The following KHDRBS3 variants were observed in gnomAD, a reference collection of about 807,000 sequenced individuals.
KHDRBS3 encodes KH domain-containing, RNA-binding, signal transduction-associated protein 3.
Under a neutral mutation model 45.6 loss-of-function variants are expected in KHDRBS3, and 23 were observed. The observed-to-expected ratio is 0.50, with a 90% CI of 0.36 to 0.72. The LOEUF (loss-of-function observed/expected upper bound fraction) is 0.72. KHDRBS3 is among the 30% of genes least tolerant of loss of function. KHDRBS3 has a pLI of 0.00. For synonymous variants in KHDRBS3, 162 were observed against 156.5 expected (o/e 1.04, Z -0.26); for missense variants, 352 against 424.8 (o/e 0.83, Z 1.51).
intron 7 of KHDRBS3, among the ~76,000 whole-genome samples, chr8:135,643,211 AC>A (rs1174371364): frequency 6.6e-6 from 1 of 151,870 alleles, no homozygotes; most frequent in East Asian, 1.9e-4. Flanking sequence ...TGCCTGGAAG[AC>A]CCTTGCTGCC....
intron 1 of KHDRBS3, chr8:135,458,964 G>A (rs1017812301): frequency 1.5e-5 from 7 of 456,150 alleles, no homozygotes; most frequent in Admixed American, 2.3e-5. Flanking sequence ...TGGAATATGT[G>A]TTTCAGATGA....
chr8:135,639,742 C>T (rs941208036), intron 7 of KHDRBS3, among the ~76,000 whole-genome samples: 2 of 152,264 alleles, frequency 1.3e-5, no homozygotes, highest in Middle Eastern at 3.4e-3. Flanking sequence ...AGAGTGGGAG[C>T]GGAGAAAGAA....
rs1831316626 is a variant in KHDRBS3, at chr8:135,646,973, A to G, written c.950-20A>G. On this transcript the variant is annotated intron_variant, in intron 8 of 8. Transcript: ENST00000355849. ...GATTCATGGCAGTGATCTAATTGTG[A>G]TTCATCTTACTGATTGTAGGGCAAG... 4 of 1,371,262 alleles carry G rather than the reference A, an allele frequency of 2.9e-6. No individual in the cohort carries two copies. In the South Asian group the frequency reaches 4.6e-5, roughly 16 times the overall value. The allele number at this position is 1,371,262 out of a possible 1,614,324, so 84.9% of individuals were successfully genotyped here. A position where few individuals can be genotyped will look rare whatever the true frequency, so the allele number is the denominator to read the frequency against.
At chr8:135,609,957 T>G (rs1361891470) in intron 7 of KHDRBS3, among the ~76,000 whole-genome samples, 1 of 151,906 alleles carries the variant, frequency 6.6e-6, no homozygotes, top group East Asian at 1.9e-4. Context: ...TTTCAGTAGA[T>G]CTTCACAGGC....
intron 6 of KHDRBS3, among the ~76,000 whole-genome samples, chr8:135,588,598 T>C (rs1315821397): frequency 6.6e-6 from 1 of 152,126 alleles, no homozygotes; most frequent in African/African-American, 2.4e-5. Flanking sequence ...CCTCTTTCCT[T>C]AGGGGCTTTC....
At position 135,584,014 on chromosome 8, in the gene KHDRBS3, C is replaced by T. The variant is rs934488525; in HGVS notation, c.807+1941C>T. Among the ~76,000 whole-genome samples the T allele has an allele frequency of 2.7e-4, 41 of 152,100 alleles. 1 individual carries two copies. Among genetic ancestry groups the T allele is most frequent in the African/African-American group, 8.5e-4 (35 of 41,406 alleles). ...AGTATTCTGTAGGATTAATTTACTC[C>T]CTTTTCCATCTGCTACCAAAGATAA... On this transcript the variant is annotated intron_variant, in intron 6 of 8. Transcript: ENST00000355849.
chr8:135,585,649 C>T (rs1411299060), intron 6 of KHDRBS3, among the ~76,000 whole-genome samples: 1 of 152,152 alleles, frequency 6.6e-6, no homozygotes, highest in Non-Finnish European at 1.5e-5. Context: ...TGTGATTTTT[C>T]AGTTTTATTC....
At chr8:135,642,636 A>G (rs1395915320) in intron 7 of KHDRBS3, among the ~76,000 whole-genome samples, 3 of 152,198 alleles carry the variant, frequency 2.0e-5, no homozygotes, top group Non-Finnish European at 4.4e-5. Flanking sequence ...AGCCCATTTC[A>G]GAGAGCTTAT....
intron 2 of KHDRBS3, among the ~76,000 whole-genome samples, chr8:135,536,234 GTTTTTTTTTTTTTT>G (rs374782370): frequency 2.2e-3 from 186 of 86,410 alleles, no homozygotes; most frequent in African/African-American, 6.0e-3. Context: ...TTTCTGTCCA[GTTTTTTTTTTTTTT>G]TTTTTTTTTT....
intron 5 of KHDRBS3, among the ~76,000 whole-genome samples, chr8:135,579,312 A>G (rs1292648928): frequency 6.6e-6 from 1 of 152,108 alleles, no homozygotes; most frequent in African/African-American, 2.4e-5. Flanking sequence ...TCACAATTCA[A>G]TATGTTGCAG....
chr8:135,626,081 T>C (rs529200642), intron 7 of KHDRBS3: 1 of 525,822 alleles, frequency 1.9e-6, no homozygotes, highest in Non-Finnish European at 3.4e-6. Context: ...ATAGATTGTA[T>C]GACAACAAAA....
intron 5 of KHDRBS3, among the ~76,000 whole-genome samples, chr8:135,559,415 C>T (rs62525187): frequency 0.097 from 14,696 of 152,180 alleles, 988 homozygotes; most frequent in Non-Finnish European, 0.14. Flanking sequence ...TGCAGTAGCA[C>T]GATCTTGGCT....
At chr8:135,544,364 C>T (rs1043624757) in intron 3 of KHDRBS3, among the ~76,000 whole-genome samples, 2 of 151,978 alleles carry the variant, frequency 1.3e-5, no homozygotes, top group Admixed American at 6.6e-5. Context: ...ATTGTATGCC[C>T]GAGTTAACAG....
At chr8:135,537,654 G>T (rs1004372757) in intron 2 of KHDRBS3, among the ~76,000 whole-genome samples, 1 of 152,112 alleles carries the variant, frequency 6.6e-6, no homozygotes, top group Non-Finnish European at 1.5e-5. Flanking sequence ...TGGGACTTTG[G>T]ATGGTTTGTG....
At chr8:135,634,276 C>A (rs1830721000) in intron 7 of KHDRBS3, among the ~76,000 whole-genome samples, 1 of 152,134 alleles carries the variant, frequency 6.6e-6, no homozygotes, top group South Asian at 2.1e-4. Context: ...CCCTTGTTTT[C>A]CCTCCCCTGT....
chr8:135,462,348 G>A (rs934956971), intron 1 of KHDRBS3, among the ~76,000 whole-genome samples: 4 of 151,868 alleles, frequency 2.6e-5, no homozygotes, highest in African/African-American at 9.7e-5. Context: ...TGAGTTACAG[G>A]GTTTTGGTAT....
intron 1 of KHDRBS3, among the ~76,000 whole-genome samples, chr8:135,511,657 G>A (rs1824292877): frequency 1.3e-5 from 2 of 152,198 alleles, no homozygotes; most frequent in East Asian, 1.9e-4. Flanking sequence ...CTGGGTTCAC[G>A]CCATTCTCCT....
intron 5 of KHDRBS3, among the ~76,000 whole-genome samples, chr8:135,562,182 A>G (rs936066859): frequency 5.9e-5 from 9 of 152,192 alleles, no homozygotes; most frequent in Non-Finnish European, 1.5e-5. Context: ...CAGTCTTCCA[A>G]GTTCCACTCA....
chr8:135,594,223 C>T (rs1394217798), intron 6 of KHDRBS3, among the ~76,000 whole-genome samples: 1 of 152,146 alleles, frequency 6.6e-6, no homozygotes, highest in African/African-American at 2.4e-5. Context: ...AATAGAACTA[C>T]ATTGTTGGGT....
Sources: allele counts gnomAD v4.1 joint callset (sites outside exome capture counted in the v4.1 genomes callset), GRCh38; gene constraint gnomAD v4.1.1; transcripts MANE v1.5; gene names NCBI Gene and HGNC (gene_info 2026-07-23, HGNC 2026-07-21).